CLOCK: variants seen among roughly 807,000 people sequenced by gnomAD.
CLOCK encodes clock circadian regulator, also known as circadian locomoter output cycles protein kaput.
CLOCK carries 43 observed loss-of-function variants against 118.4 expected under a neutral mutation model. The observed-to-expected ratio is 0.36, with a 90% CI of 0.28 to 0.47. The LOEUF (loss-of-function observed/expected upper bound fraction) is 0.47, where lower values mean the gene tolerates loss of function less well. Among genes scored for constraint, CLOCK ranks in the 20% least tolerant of loss-of-function variants. The pLI, the probability that CLOCK is intolerant of heterozygous loss-of-function variation, is 1.00. For missense variants in CLOCK, 846 were observed against 999.9 expected, an observed-to-expected ratio of 0.85 and a Z score of 2.08; for synonymous variants, 326 against 339.2, an observed-to-expected ratio of 0.96 and a Z score of 0.43.
intron 1 of CLOCK, among the ~76,000 whole-genome samples, chr4:55,543,877 A>G (rs2110129194): frequency 6.6e-6 from 1 of 152,344 alleles, no homozygotes; most frequent in East Asian, 1.9e-4. Context: ...GCAGAAGTCT[A>G]TTAGAAAAAC....
Position 55,443,742 on chromosome 4 carries a change from A to G in CLOCK, c.1847T>C (p.Ile616Thr), listed in dbSNP as rs758442133. The G allele has an allele frequency of 3.1e-6, 5 of 1,614,016 alleles. No individual in the cohort carries two copies. Among genetic ancestry groups the G allele is most frequent in the Non-Finnish European group, 1.7e-6 (2 of 1,180,008 alleles). ...QIQSGMNTGH[I>T]GTTQHMIQQQ... Reference sequence around the variant, plus strand: ...TTGTATCATGTGCTGAGTTGTGCCAATGTGTCCAGTATTCATTCCACTTTG... The same window carrying G: ...TTGTATCATGTGCTGAGTTGTGCCAGTGTGTCCAGTATTCATTCCACTTTG... The change falls in exon 20 of 23, where the codon ATT (isoleucine) becomes ACT (threonine). Residue 616 changes from isoleucine (I) to threonine (T), a missense_variant. Around this residue, in one of 4 missense-constraint regions of CLOCK, gnomAD observed 520 missense variants for 558.0 expected, o/e 0.93. Coordinates refer to ENST00000513440, the MANE Select transcript of CLOCK (RefSeq NM_004898.4).
intron 18 of CLOCK, among the ~76,000 whole-genome samples, 189 bp downstream of exon 18, chr4:55,448,590 G>A (rs920806081): frequency 1.9e-4 from 15 of 80,978 alleles, no homozygotes; most frequent in African/African-American, 4.4e-4. Context: ...ATGTGCGCGC[G>A]CGCACGCGCG....
Position 55,430,401 on chromosome 4 carries a change from A to G in CLOCK, c.*5014T>C, listed in dbSNP as rs1041299903. 1 of 152,224 alleles carries G rather than the reference A, an allele frequency of 6.6e-6. No homozygotes were observed. The highest frequency in any genetic ancestry group is 1.5e-5 in the Non-Finnish European group (1 of 68,034). The allele number at this position is 152,224 out of a possible 1,614,324, so 9.4% of individuals were successfully genotyped here. ...TAGTGTTATGACATAGGGGGAAAAAACTATGCAAAACAGTCACATGGAAAG... is the reference window on the plus strand; with the variant it reads ...TAGTGTTATGACATAGGGGGAAAAAGCTATGCAAAACAGTCACATGGAAAG... On this transcript the variant is annotated 3_prime_UTR_variant, in exon 23 of 23. Transcript: ENST00000513440.
intron 2 of CLOCK, among the ~76,000 whole-genome samples, chr4:55,503,896 T>G (rs1418226051): frequency 6.7e-6 from 1 of 149,512 alleles, no homozygotes; most frequent in African/African-American, 2.4e-5. Context: ...GTACTTCTTC[T>G]TAGTGTAATT....
chr4:55,536,634 A>C (rs1730918509), intron 1 of CLOCK, among the ~76,000 whole-genome samples: 1 of 152,098 alleles, frequency 6.6e-6, no homozygotes, highest in South Asian at 2.1e-4. Context: ...TGCTTCCTAT[A>C]CACTTTGGAG....
chr4:55,442,783 GA>G, intron 20 of CLOCK, 149 bp from the exon 21 acceptor site: 1 of 746,078 alleles, frequency 1.3e-6, no homozygotes. Flanking sequence ...AACCACAAAG[GA>G]ATGACTCGTG....
chr4:55,506,224 G>T (rs1368395586), intron 2 of CLOCK, among the ~76,000 whole-genome samples: 1 of 151,754 alleles, frequency 6.6e-6, no homozygotes, highest in Non-Finnish European at 1.5e-5. Context: ...CTTTTGTTTT[G>T]TTTTTTTGAG....
chr4:55,531,473 G>A (rs752160234), intron 1 of CLOCK, among the ~76,000 whole-genome samples: 15 of 151,882 alleles, frequency 9.9e-5, no homozygotes, highest in African/African-American at 2.4e-4. Flanking sequence ...TTGGGAGGCC[G>A]AGAAGGGTGG....
intron 2 of CLOCK, among the ~76,000 whole-genome samples, chr4:55,509,582 G>A (rs756789757): frequency 9.9e-5 from 15 of 152,088 alleles, no homozygotes; most frequent in Non-Finnish European, 2.2e-4. Flanking sequence ...GGCCTGGCAG[G>A]AAATAATTCT....
intron 9 of CLOCK, among the ~76,000 whole-genome samples, chr4:55,459,672 C>T (rs1725184066): frequency 6.6e-6 from 1 of 151,792 alleles, no homozygotes; most frequent in African/African-American, 2.4e-5. Flanking sequence ...TTACTTTCTT[C>T]TTTTTTTTGA....
At chr4:55,470,354 C>T (rs1054596623) in intron 8 of CLOCK, among the ~76,000 whole-genome samples, 2 of 152,160 alleles carry the variant, frequency 1.3e-5, no homozygotes, top group Admixed American at 1.3e-4. Context: ...AGTACAGCGG[C>T]ATGCTGTACA....
chr4:55,509,658 T>C (rs1729018128), intron 2 of CLOCK, among the ~76,000 whole-genome samples: 1 of 152,256 alleles, frequency 6.6e-6, no homozygotes, highest in Admixed American at 6.5e-5. Context: ...TTATGACTCT[T>C]ACTTTTGAGC....
chr4:55,464,236 G>A (rs1725573519), intron 8 of CLOCK, among the ~76,000 whole-genome samples: 1 of 152,154 alleles, frequency 6.6e-6, no homozygotes, highest in Admixed American at 6.6e-5. Context: ...TGTCCAATGT[G>A]TCCTTTATTT....
At chr4:55,529,835 T>C (rs550524754) in intron 1 of CLOCK, among the ~76,000 whole-genome samples, 139 of 152,296 alleles carry the variant, frequency 9.1e-4, no homozygotes, top group African/African-American at 3.0e-3. Context: ...TTAGCTACTA[T>C]CCTGTGTTGT....
chr4:55,441,540 C>CT (rs1723367002), intron 21 of CLOCK, among the ~76,000 whole-genome samples: 3 of 152,280 alleles, frequency 2.0e-5, no homozygotes, highest in Admixed American at 2.0e-4. Context: ...CCATGGCCTA[C>CT]TACTCAGCCA....
intron 14 of CLOCK, chr4:55,453,369 A>C (rs543651862): frequency 6.1e-6 from 3 of 495,852 alleles, no homozygotes; most frequent in African/African-American, 5.8e-5. Flanking sequence ...AATTAAGAAA[A>C]ATAAATAAAG....
At chr4:55,469,006 C>T (rs1319304388) in intron 8 of CLOCK, among the ~76,000 whole-genome samples, 1 of 152,086 alleles carries the variant, frequency 6.6e-6, no homozygotes, top group East Asian at 1.9e-4. Context: ...ACTGTGCCAC[C>T]AATCATATAA....
chr4:55,446,262 G>GT (rs958171632), intron 18 of CLOCK, among the ~76,000 whole-genome samples: 3 of 151,440 alleles, frequency 2.0e-5, no homozygotes, highest in African/African-American at 7.3e-5. Context: ...CCCGGCTAAT[G>GT]TTTTTTTTAA....
chr4:55,483,096 T>C (rs920295252), intron 3 of CLOCK, among the ~76,000 whole-genome samples: 4 of 152,202 alleles, frequency 2.6e-5, no homozygotes, highest in Non-Finnish European at 5.9e-5. Context: ...ATGGACATTC[T>C]CAATATTCAG....
Sources: allele counts gnomAD v4.1 joint callset (sites outside exome capture counted in the v4.1 genomes callset), GRCh38; gene constraint gnomAD v4.1.1; regional missense constraint gnomAD v4.1.1; transcripts MANE v1.5; gene names NCBI Gene and HGNC (gene_info 2026-07-23, HGNC 2026-07-21).